The following FKBP5 variants were observed in gnomAD, a reference collection of about 807,000 sequenced individuals.
The protein encoded by FKBP5 is FKBP prolyl isomerase 5.
Under a neutral mutation model 50.5 loss-of-function variants are expected in FKBP5, and 23 were observed. That is an observed-to-expected ratio of 0.46 (90% CI 0.33 to 0.65). The LOEUF is 0.65. FKBP5 is among the 30% of genes least tolerant of loss of function. The pLI is 0.02. For synonymous variants in FKBP5, 176 were observed against 190.6 expected (o/e 0.92, Z 0.63); for missense variants, 411 against 553.1 (o/e 0.74, Z 2.58).
At chr6:35,625,905 G>C (rs1456707616) in intron 3 of FKBP5, among the ~76,000 whole-genome samples, 1 of 150,676 alleles carries the variant, frequency 6.6e-6, no homozygotes, top group Non-Finnish European at 1.5e-5. Context: ...TCAGCCTCCC[G>C]AGTAGCTGGG....
At chr6:35,720,192 T>G (rs561368579) in intron 2 of FKBP5, 1 of 152,468 alleles carries the variant, frequency 6.6e-6, no homozygotes, top group East Asian at 1.9e-4. Context: ...TGCACGCGCA[T>G]GTGTGGTGAC....
At chr6:35,721,576 C>G in intron 1 of FKBP5, among the ~76,000 whole-genome samples, 1 of 152,150 alleles carries the variant, frequency 6.6e-6, no homozygotes. Context: ...CTGCCTCAGC[C>G]TCCCGAGCAG....
In FKBP5 at chr6:35,574,544, C is replaced by A. The variant is rs373567300; in HGVS notation, c.*1291G>T. ...TCAGCTCAAGTACTGGAGATTTAGG[C>A]TACTGGCTGTGTACCGGCATGGGAA... On this transcript the variant is annotated 3_prime_UTR_variant, in exon 11 of 11. Coordinates refer to ENST00000357266, the MANE Select transcript of FKBP5 (RefSeq NM_004117.4). The A allele has an allele frequency of 6.6e-6, 1 of 152,248 alleles. No homozygotes were observed. Among genetic ancestry groups the A allele is most frequent in the Admixed American group, 6.5e-5 (1 of 15,276 alleles). 9.4% of individuals were successfully genotyped at this position (152,248 alleles called of 1,614,324 possible). A position where few individuals can be genotyped will look rare whatever the true frequency, so the allele number is the denominator to read the frequency against.
intron 5 of FKBP5, among the ~76,000 whole-genome samples, chr6:35,617,773 G>A (rs1270089972): frequency 6.6e-6 from 1 of 152,144 alleles, no homozygotes; most frequent in Non-Finnish European, 1.5e-5. Context: ...TGGGAGAAAT[G>A]GGCAAATACT....
intron 5 of FKBP5, among the ~76,000 whole-genome samples, chr6:35,612,388 C>T (rs1763517821): frequency 6.6e-6 from 1 of 151,714 alleles, no homozygotes; most frequent in South Asian, 2.1e-4. Context: ...CCAGCTTGGG[C>T]AACAGAAAAA....
At chr6:35,633,217 T>C (rs1764212898) in intron 3 of FKBP5, among the ~76,000 whole-genome samples, 1 of 152,154 alleles carries the variant, frequency 6.6e-6, no homozygotes, top group African/African-American at 2.4e-5. Flanking sequence ...TTTCTTCATT[T>C]TGATAAACTA....
Position 35,686,474 on chromosome 6 carries a change from T to C in FKBP5, c.-20+2330A>G, listed in dbSNP as rs573679151. ...AGGACAATAAACAACTAATTATTAA[T>C]AGTATTTTATATATTTAAGTACACT... is the stretch of plus-strand genomic sequence containing the variant. On this transcript the variant is annotated intron_variant, in intron 1 of 10. Transcript: ENST00000357266. 1.6e-4 allele frequency among the ~76,000 whole-genome samples: 25 copies of C among 152,244 alleles called. No homozygotes were observed. In the South Asian group the frequency reaches 5.0e-3, roughly 30 times the overall value.
chr6:35,700,809 A>G (rs1422350274), intron 2 of FKBP5, among the ~76,000 whole-genome samples: 3 of 151,952 alleles, frequency 2.0e-5, no homozygotes, highest in Admixed American at 6.6e-5. Context: ...AATACAACAA[A>G]TTAGCCGGGC....
chr6:35,592,168 A>C (rs922514670), intron 6 of FKBP5, among the ~76,000 whole-genome samples: 2 of 152,224 alleles, frequency 1.3e-5, no homozygotes, highest in Non-Finnish European at 2.9e-5. Flanking sequence ...TAATATATGA[A>C]ATGGTATTAC....
chr6:35,630,741 T>G (rs991504637), intron 3 of FKBP5, among the ~76,000 whole-genome samples: 2 of 152,234 alleles, frequency 1.3e-5, no homozygotes, highest in African/African-American at 4.8e-5. Context: ...AGCTTCTCTG[T>G]ACCTTAGTCT....
chr6:35,622,007 A>G (rs1409213788), intron 3 of FKBP5, among the ~76,000 whole-genome samples: 1 of 152,106 alleles, frequency 6.6e-6, no homozygotes, highest in Non-Finnish European at 1.5e-5. Context: ...CAAAAATGTA[A>G]GTATTCAAAA....
intron 2 of FKBP5, among the ~76,000 whole-genome samples, chr6:35,640,364 A>T (rs1764448723): frequency 6.6e-6 from 1 of 152,226 alleles, no homozygotes; most frequent in Non-Finnish European, 1.5e-5. Flanking sequence ...CTCAACATAG[A>T]AAAAGGTACA....
In FKBP5 at chr6:35,620,170, G is replaced by A. The variant is rs766837790; in HGVS notation, c.355C>T (p.Leu119Phe). 6.2e-7 allele frequency: 1 copy of A among 1,614,132 alleles called. No homozygotes were observed. Among genetic ancestry groups the A allele is most frequent in the Non-Finnish European group, 8.5e-7 (1 of 1,180,022 alleles). ...GTTGCATTCGAGGGAATTTTAGGGA[G>A]ACTGCCAGCCGAGCCATATGCATAT... ...PEYAYGSAGSLPKIPSNATLF... is the reference protein window; with the variant it reads ...PEYAYGSAGSFPKIPSNATLF... The change falls in exon 4 of 11, where the codon CTC (leucine) becomes TTC (phenylalanine). Residue 119 changes from leucine to phenylalanine, a missense_variant. Leu to Phe is a conservative substitution (Grantham distance 22). This residue lies in a region of FKBP5 where 267 missense variants were observed against 405.9 expected (regional missense o/e 0.66). Transcript: ENST00000357266.
chr6:35,581,788 G>A (rs901483858), intron 8 of FKBP5: 2 of 985,374 alleles, frequency 2.0e-6, no homozygotes, highest in African/African-American at 1.7e-5. Context: ...AGATGGCAGA[G>A]GAGCAGCCAG....
chr6:35,674,589 T>C (rs1765478283), intron 1 of FKBP5, among the ~76,000 whole-genome samples: 1 of 152,360 alleles, frequency 6.6e-6, no homozygotes. Flanking sequence ...TTCTCCCTTC[T>C]CTCAACTTAT....
At chr6:35,651,350 C>T (rs1764793066) in intron 1 of FKBP5, among the ~76,000 whole-genome samples, 1 of 152,152 alleles carries the variant, frequency 6.6e-6, no homozygotes, top group Non-Finnish European at 1.5e-5. Flanking sequence ...CATGGTTCCA[C>T]TCATCAGGAC....
At chr6:35,700,457 G>A (rs1766159790) in intron 2 of FKBP5, among the ~76,000 whole-genome samples, 1 of 152,160 alleles carries the variant, frequency 6.6e-6, no homozygotes, top group African/African-American at 2.4e-5. Context: ...ATGAATACCC[G>A]TAGCCATGGC....
chr6:35,655,881 A>G (rs563053731), intron 1 of FKBP5, among the ~76,000 whole-genome samples: 11 of 152,362 alleles, frequency 7.2e-5, no homozygotes, highest in African/African-American at 2.6e-4. Flanking sequence ...GTACATTATA[A>G]GAGTGTCTGT....
At chr6:35,682,747 GTAC>G (rs1390828473) in intron 1 of FKBP5, among the ~76,000 whole-genome samples, 1 of 151,624 alleles carries the variant, frequency 6.6e-6, no homozygotes, top group Non-Finnish European at 1.5e-5. Context: ...CAATTCAAAT[GTAC>G]TACATTTTTA....
Sources: allele counts gnomAD v4.1 joint callset (sites outside exome capture counted in the v4.1 genomes callset), GRCh38; gene constraint gnomAD v4.1.1; regional missense constraint gnomAD v4.1.1; transcripts MANE v1.5; gene names NCBI Gene and HGNC (gene_info 2026-07-23, HGNC 2026-07-21).